KIRREL1: variants seen among roughly 807,000 people sequenced by gnomAD.
KIRREL1 encodes kin of IRRE-like protein 1.
KIRREL1 carries 25 observed loss-of-function variants against 83.3 expected under a neutral mutation model. The ratio of observed to expected loss-of-function variants is 0.30; its 90% confidence interval spans 0.22 to 0.42. The LOEUF is 0.42. KIRREL1 is among the 10% of genes least tolerant of loss of function. The pLI is 1.00. For missense variants in KIRREL1, 812 were observed against 1,032.3 expected (o/e 0.79, Z 2.92); for synonymous variants, 388 against 410.4 (o/e 0.95, Z 0.66).
intron 1 of KIRREL1, among the ~76,000 whole-genome samples, chr1:158,013,596 A>G (rs1312658745): frequency 6.6e-6 from 1 of 152,154 alleles, no homozygotes; most frequent in African/African-American, 2.4e-5. Flanking sequence ...ATTTATTCCA[A>G]CCCTTGAATG....
At chr1:158,032,372 TGA>T (rs1660351850) in intron 1 of KIRREL1, among the ~76,000 whole-genome samples, 1 of 152,096 alleles carries the variant, frequency 6.6e-6, no homozygotes, top group African/African-American at 2.4e-5. Context: ...GGCTGTGTGT[TGA>T]CTCCCTGAAG....
chr1:158,076,842 C>T (rs1417795777), intron 2 of KIRREL1, among the ~76,000 whole-genome samples: 1 of 152,212 alleles, frequency 6.6e-6, no homozygotes, highest in Non-Finnish European at 1.5e-5. Context: ...GTCAGTCAAA[C>T]ACAAAAAAAC....
chr1:158,016,410 A>G (rs1659827244), intron 1 of KIRREL1, among the ~76,000 whole-genome samples: 1 of 152,238 alleles, frequency 6.6e-6, no homozygotes, highest in Non-Finnish European at 1.5e-5. Context: ...TATGGACCAG[A>G]GACTGCAGAA....
intron 1 of KIRREL1, among the ~76,000 whole-genome samples, chr1:158,036,480 T>C (rs1195037183): frequency 6.6e-6 from 1 of 152,176 alleles, no homozygotes; most frequent in Non-Finnish European, 1.5e-5. Context: ...AACCTGTATT[T>C]ACAAATGCGG....
At chr1:158,049,399 C>T (rs997932496) in intron 1 of KIRREL1, among the ~76,000 whole-genome samples, 8 of 152,076 alleles carry the variant, frequency 5.3e-5, no homozygotes, top group East Asian at 1.9e-4. Context: ...AGTCAAGTGA[C>T]GGGAGCACAG....
chr1:157,993,654 C>A lies in KIRREL1; in HGVS notation c.-23C>A. ...GCCAACTCCGGGCCCCAGCCGCGGG[C>A]GGGCGCACGGCGGGCGGACAGCATG... On this transcript the variant is annotated 5_prime_UTR_variant, in exon 1 of 15. Coordinates refer to ENST00000359209, the MANE Select transcript of KIRREL1 (RefSeq NM_018240.7). The A allele has an allele frequency of 1.4e-6, 2 of 1,469,488 alleles. No homozygotes were observed. Among genetic ancestry groups the A allele is most frequent in the Non-Finnish European group, 1.8e-6 (2 of 1,106,462 alleles). 91.0% of individuals were successfully genotyped at this position (1,469,488 alleles called of 1,614,324 possible).
intron 1 of KIRREL1, among the ~76,000 whole-genome samples, chr1:158,039,984 T>A (rs975635912): frequency 6.6e-6 from 1 of 152,230 alleles, no homozygotes; most frequent in Non-Finnish European, 1.5e-5. Context: ...GATCTACTCA[T>A]AAAGCAGAGC....
rs1399833608 is a variant in KIRREL1 at position 158,022,534 on chromosome 1, A to G, written c.52+28806A>G. 2.0e-5 allele frequency among the ~76,000 whole-genome samples: 3 copies of G among 152,096 alleles called. No homozygotes were observed. In the East Asian group the frequency reaches 5.8e-4, roughly 29 times the overall value. Reference sequence around the variant, plus strand: ...AGCTAAAAAACACCCATATTCTTTGACTTCACTTTCCCTATTGAATTTACA... The same window carrying G: ...AGCTAAAAAACACCCATATTCTTTGGCTTCACTTTCCCTATTGAATTTACA... On this transcript the variant is annotated intron_variant, in intron 1 of 14. Coordinates refer to ENST00000359209, the MANE Select transcript of KIRREL1 (RefSeq NM_018240.7).
In KIRREL1 at chr1:158,005,757, C is replaced by T. The variant is rs141311059; in HGVS notation, c.52+12029C>T. Among the ~76,000 whole-genome samples the T allele has an allele frequency of 1.9e-4, 29 of 152,132 alleles. No individual in the cohort carries two copies. The East Asian group carries it at 1.9e-3, about 10-fold the overall frequency. ...GGGGGAGCAGTGGGGAACTGTCTTC[C>T]GGGCAGGTCAGCATCTCACACTCAC... On this transcript the variant is annotated intron_variant, in intron 1 of 14. Transcript: ENST00000359209.
intron 1 of KIRREL1, among the ~76,000 whole-genome samples, chr1:158,039,876 C>A (rs991628813): frequency 5.3e-5 from 8 of 152,214 alleles, no homozygotes; most frequent in Non-Finnish European, 1.5e-5. Context: ...GGGAACTGCT[C>A]TTGCCACCTC....
At chr1:158,011,871 T>C (rs1659698094) in intron 1 of KIRREL1, among the ~76,000 whole-genome samples, 1 of 152,142 alleles carries the variant, frequency 6.6e-6, no homozygotes, top group Admixed American at 6.5e-5. Flanking sequence ...CCGGGTCCCC[T>C]CTGTGGTCAG....
chr1:158,072,071 G>A (rs183037832), intron 1 of KIRREL1, among the ~76,000 whole-genome samples: 15 of 152,090 alleles, frequency 9.9e-5, no homozygotes, highest in Non-Finnish European at 1.6e-4. Context: ...TGTCAGAACC[G>A]TCCAGAGCCT....
chr1:158,094,995 G>A lies in KIRREL1; in HGVS notation c.2149G>A (p.Glu717Lys), dbSNP rs1662315166. 1 of 1,613,900 alleles carries A rather than the reference G, an allele frequency of 6.2e-7. No homozygotes were observed. Among genetic ancestry groups the A allele is most frequent in the African/African-American group, 1.3e-5 (1 of 74,918 alleles). The stretch of plus-strand genomic sequence containing the variant: ...CCCCCAGGCCCCACCCTCTGGCCTG[G>A]AGCGGACCCCATATGAGGCGTATGA... ...GYPQAPPSGL[E>K]RTPYEAYDPI... The change falls in exon 15 of 15, where the codon GAG becomes AAG. Residue 717 changes from glutamate to lysine, a missense_variant. Physicochemically the swap from Glu to Lys is moderately conservative, Grantham distance 56. Around this residue, in one of 3 missense-constraint regions of KIRREL1, gnomAD observed 334 missense variants for 383.7 expected, o/e 0.87. Transcript: ENST00000359209. This position sits in a 1 kb window ranked among gnomAD's most constrained non-coding sequence, Gnocchi z 4.6.
chr1:158,050,055 T>TA (rs1288972082), intron 1 of KIRREL1, among the ~76,000 whole-genome samples: 4 of 151,950 alleles, frequency 2.6e-5, no homozygotes, highest in Non-Finnish European at 4.4e-5. Context: ...AGGTTTAAAG[T>TA]AAAAAATCAG....
At chr1:157,999,415 C>T (rs980146186) in intron 1 of KIRREL1, among the ~76,000 whole-genome samples, 8 of 152,182 alleles carry the variant, frequency 5.3e-5, no homozygotes, top group African/African-American at 1.2e-4. Flanking sequence ...GAGATACACT[C>T]ATCCTATGGT....
chr1:158,049,116 A>G (rs775444069), intron 1 of KIRREL1, among the ~76,000 whole-genome samples: 3 of 152,208 alleles, frequency 2.0e-5, no homozygotes, highest in Admixed American at 6.5e-5. Context: ...GTGGTGTGGG[A>G]AGTAGAAAAT....
intron 1 of KIRREL1, among the ~76,000 whole-genome samples, chr1:158,035,966 G>A (rs1202903516): frequency 6.6e-6 from 1 of 152,208 alleles, no homozygotes; most frequent in Non-Finnish European, 1.5e-5. Flanking sequence ...GGTATTTCCA[G>A]GGGTGGATTT....
rs185809997 is a variant in KIRREL1 at position 158,020,138 on chromosome 1, C to A, written c.52+26410C>A. Among the ~76,000 whole-genome samples, 115 of 152,166 alleles carry A rather than the reference C, an allele frequency of 7.6e-4. No homozygotes were observed. The Middle Eastern group carries it at 0.014, about 18-fold the overall frequency. On this transcript the variant is annotated intron_variant, in intron 1 of 14. Coordinates refer to ENST00000359209, the MANE Select transcript of KIRREL1 (RefSeq NM_018240.7). Reference sequence around the variant, plus strand: ...ATTTCCTTTTGCTCTAAGGGTGAAACCAGTCAGGTCTCTCTCTTTCTGAGC... The same window carrying A: ...ATTTCCTTTTGCTCTAAGGGTGAAAACAGTCAGGTCTCTCTCTTTCTGAGC...
chr1:158,038,001 G>C lies in KIRREL1; in HGVS notation c.53-38112G>C, dbSNP rs571172969. 7.5e-4 allele frequency among the ~76,000 whole-genome samples: 115 copies of C among 152,354 alleles called. 1 individual carries two copies. The highest frequency in any genetic ancestry group is 3.2e-4 in the Non-Finnish European group (22 of 68,038). Reference sequence around the variant, plus strand: ...CCCAGTGTCAGCTAGACTCGGGGCAGGACCAGCCTGCCAGCGGCTCAATGG... The same window carrying C: ...CCCAGTGTCAGCTAGACTCGGGGCACGACCAGCCTGCCAGCGGCTCAATGG... On this transcript the variant is annotated intron_variant, in intron 1 of 14. Coordinates refer to ENST00000359209, the MANE Select transcript of KIRREL1 (RefSeq NM_018240.7).
Sources: gnomAD v4.1 joint callset for allele counts (sites outside exome capture counted in the v4.1 genomes callset) on GRCh38, gnomAD v4.1.1 for gene constraint, gnomAD v4.1.1 regional missense constraint, Gnocchi (gnomAD v3.1) non-coding constraint, MANE v1.5 for transcripts, NCBI Gene and HGNC (gene_info 2026-07-23, HGNC 2026-07-21) for gene names.